The following ESR1 variants were observed in gnomAD, a reference collection of about 807,000 sequenced individuals.
ESR1 encodes estrogen receptor.
In ESR1, 12 loss-of-function variants were observed where a neutral mutation model predicts 52.7. The observed-to-expected ratio is 0.23, with a 90% confidence interval of 0.15 to 0.37. The LOEUF (loss-of-function observed/expected upper bound fraction) is 0.37, where lower values mean the gene tolerates loss of function less well. ESR1 is among the 10% of genes least tolerant of loss of function. ESR1 has a pLI of 1.00. For missense variants in ESR1, 584 were observed against 779.7 expected (o/e 0.75, Z 2.99); for synonymous variants, 305 against 316.8 (o/e 0.96, Z 0.39).
At chr6:151,921,603 G>A (rs1292508476) in intron 3 of ESR1, among the ~76,000 whole-genome samples, 1 of 152,132 alleles carries the variant, frequency 6.6e-6, no homozygotes, top group Non-Finnish European at 1.5e-5. Context: ...AGCATCTGTT[G>A]TTTCTTGGCT....
chr6:151,897,415 CCTTTT>C (rs2128389639), intron 3 of ESR1, among the ~76,000 whole-genome samples: 1 of 152,186 alleles, frequency 6.6e-6, no homozygotes, highest in African/African-American at 2.4e-5. Flanking sequence ...TTGGACAAGG[CCTTTT>C]ATCATTATAT....
intron 4 of ESR1, among the ~76,000 whole-genome samples, chr6:151,951,393 G>A (rs2036307808): frequency 6.6e-6 from 1 of 151,984 alleles, no homozygotes. Flanking sequence ...ATGACCCATT[G>A]GCCTACTCGT....
intron 4 of ESR1, among the ~76,000 whole-genome samples, chr6:152,001,072 G>A (rs1465534979): frequency 6.6e-6 from 1 of 152,008 alleles, no homozygotes; most frequent in African/African-American, 2.4e-5. Flanking sequence ...TGTTGAACTA[G>A]CAAGATATGG....
chr6:152,046,194 C>A (rs1394034003), intron 5 of ESR1, among the ~76,000 whole-genome samples: 1 of 152,122 alleles, frequency 6.6e-6, no homozygotes, highest in Non-Finnish European at 1.5e-5. Flanking sequence ...AGTTGAAAAC[C>A]AGTGATTTAA....
intron 4 of ESR1, among the ~76,000 whole-genome samples, chr6:152,008,383 C>A (rs1404120749): frequency 6.6e-6 from 1 of 152,094 alleles, no homozygotes; most frequent in African/African-American, 2.4e-5. Context: ...AAGGATCGAG[C>A]AATCCGGCTG....
chr6:152,120,980 A>T (rs1562801785), intron 6 of ESR1, among the ~76,000 whole-genome samples: 2 of 151,316 alleles, frequency 1.3e-5, no homozygotes, highest in Non-Finnish European at 2.9e-5. Context: ...AAGAGGAGAT[A>T]CTCTCTCTCT....
At chr6:152,043,479 A>C (rs898100646) in intron 5 of ESR1, among the ~76,000 whole-genome samples, 1 of 152,192 alleles carries the variant, frequency 6.6e-6, no homozygotes, top group African/African-American at 2.4e-5. Flanking sequence ...TGTGGGTCAC[A>C]TTCTGAACCT....
At chr6:151,964,877 C>T (rs1358281837) in intron 4 of ESR1, among the ~76,000 whole-genome samples, 2 of 152,086 alleles carry the variant, frequency 1.3e-5, no homozygotes, top group Admixed American at 6.6e-5. Context: ...CTCCTGACCT[C>T]GTGATCCACC....
chr6:151,843,749 T>C (rs1784662421), intron 2 of ESR1, among the ~76,000 whole-genome samples: 1 of 152,200 alleles, frequency 6.6e-6, no homozygotes, highest in South Asian at 2.1e-4. Flanking sequence ...AAAACCCAGA[T>C]TTAAGTAACT....
At chr6:151,974,490 T>G (rs2039240639) in intron 4 of ESR1, among the ~76,000 whole-genome samples, 1 of 152,182 alleles carries the variant, frequency 6.6e-6, no homozygotes, top group Non-Finnish European at 1.5e-5. Flanking sequence ...GATATTGACC[T>G]GAGAGGAAAG....
At chr6:151,686,116 C>T (rs1289046292), upstream of ESR1, among the ~76,000 whole-genome samples, 1 of 133,844 alleles carries the variant, frequency 7.5e-6, no homozygotes, top group Non-Finnish European at 1.5e-5. Flanking sequence ...TTCTACATTG[C>T]TCAGGCTAGT....
At chr6:151,813,255 G>C (rs1366064803) in intron 1 of ESR1, 2 of 152,086 alleles carry the variant, frequency 1.3e-5, no homozygotes, top group Non-Finnish European at 1.5e-5. Context: ...CAACTATTCT[G>C]GTCTCAACTG....
intron 5 of ESR1, among the ~76,000 whole-genome samples, chr6:152,028,585 C>T (rs891896610): frequency 4.6e-5 from 7 of 152,218 alleles, no homozygotes; most frequent in East Asian, 1.9e-4. Flanking sequence ...AAGGTGCAAG[C>T]GAGGCTAGGG....
At chr6:151,771,504 T>C (rs1450087176) in intron 2 of ESR1, among the ~76,000 whole-genome samples, 1 of 152,220 alleles carries the variant, frequency 6.6e-6, no homozygotes, top group Non-Finnish European at 1.5e-5. Context: ...GTTACACCTT[T>C]TGTTGCTATT....
At chr6:151,815,876 C>A (rs1345487774) in intron 1 of ESR1, among the ~76,000 whole-genome samples, 1 of 152,200 alleles carries the variant, frequency 6.6e-6, no homozygotes, top group African/African-American at 2.4e-5. Context: ...CTCTTGCTAT[C>A]TACTTCGTGT....
At chr6:151,716,803 G>A (rs535176247) in intron 2 of ESR1, among the ~76,000 whole-genome samples, 1 of 152,156 alleles carries the variant, frequency 6.6e-6, no homozygotes, top group Non-Finnish European at 1.5e-5. Context: ...TAGAACATTG[G>A]CTCCCTGGCT....
intron 1 of ESR1, among the ~76,000 whole-genome samples, chr6:151,678,719 C>A (rs796940914): frequency 4.7e-5 from 7 of 148,784 alleles, no homozygotes; most frequent in African/African-American, 1.7e-4. Flanking sequence ...TGGAGTCTTA[C>A]TCCGTTGCCT....
At chr6:151,834,755 G>T (rs75633212) in intron 1 of ESR1, among the ~76,000 whole-genome samples, 1 of 152,106 alleles carries the variant, frequency 6.6e-6, no homozygotes, top group South Asian at 2.1e-4. Context: ...TAATAGGCTC[G>T]TTTAGAATGG....
At chr6:152,070,856 G>A (rs1015057044) in intron 6 of ESR1, among the ~76,000 whole-genome samples, 1 of 138,922 alleles carries the variant, frequency 7.2e-6, no homozygotes, top group African/African-American at 3.2e-5. Context: ...TTTTACTTTA[G>A]ATGTGCTTTT....
Sources: gnomAD v4.1 joint callset for allele counts (sites outside exome capture counted in the v4.1 genomes callset) on GRCh38, gnomAD v4.1.1 for gene constraint, MANE v1.5 for transcripts, NCBI Gene and HGNC (gene_info 2026-07-23, HGNC 2026-07-21) for gene names.